The following CHCHD6 variants were observed in gnomAD, a reference collection of about 807,000 sequenced individuals.
The protein encoded by CHCHD6 is MICOS complex subunit MIC25.
A neutral mutation model predicts 32.3 loss-of-function variants in CHCHD6; 28 were observed. The ratio of observed to expected loss-of-function variants is 0.87; its 90% CI spans 0.64 to 1.19. CHCHD6 has a LOEUF of 1.19. CHCHD6 is among the 50% of genes most tolerant of loss of function. The probability of loss-of-function intolerance (pLI) is 0.00; values close to 1 mark genes in which losing one functional copy is unlikely to be tolerated. For synonymous variants in CHCHD6, 122 were observed against 117.5 expected (o/e 1.04, Z -0.25); for missense variants, 333 against 307.0 (o/e 1.08, Z -0.63).
At chr3:126,754,313 G>C (rs1936859583) in intron 4 of CHCHD6, among the ~76,000 whole-genome samples, 1 of 152,194 alleles carries the variant, frequency 6.6e-6, no homozygotes, top group East Asian at 1.9e-4. Flanking sequence ...AACATCTTCA[G>C]AGTGCCTAGC....
chr3:126,863,204 TCCC>T (rs1942024029), intron 5 of CHCHD6, among the ~76,000 whole-genome samples: 1 of 13,448 alleles, frequency 7.4e-5, no homozygotes, highest in African/African-American at 3.0e-4. Flanking sequence ...ATCACCACCT[TCCC>T]CTCTACCACC....
chr3:126,869,200 A>G (rs1253208241), intron 5 of CHCHD6, among the ~76,000 whole-genome samples: 6 of 151,144 alleles, frequency 4.0e-5, no homozygotes, highest in African/African-American at 1.5e-4. Flanking sequence ...CTCACAGTTT[A>G]TTATTTCATA....
chr3:126,801,516 C>T (rs989814618), intron 4 of CHCHD6, among the ~76,000 whole-genome samples: 1 of 152,196 alleles, frequency 6.6e-6, no homozygotes, highest in Non-Finnish European at 1.5e-5. Context: ...GGGAGGGGCA[C>T]CCGACATTGC....
At position 126,896,015 on chromosome 3, in the gene CHCHD6, C is replaced by T. The variant is rs141810828; in HGVS notation, c.496-18665C>T. Reference sequence around the variant, plus strand: ...AGCTCAGCAAGTCCCACCCCGGGGTCTCTGTGCCCCCAGGGTTGCCTATTC... The same window carrying T: ...AGCTCAGCAAGTCCCACCCCGGGGTTTCTGTGCCCCCAGGGTTGCCTATTC... On this transcript the variant is annotated intron_variant, in intron 5 of 7. Transcript: ENST00000290913. Among the ~76,000 whole-genome samples, 48 of 152,336 alleles carry T rather than the reference C, an allele frequency of 3.2e-4. No homozygotes were observed. The East Asian group carries it at 8.9e-3, about 28-fold the overall frequency.
chr3:126,864,428 TCCACCACCTTCACCATCATCACTGCCA>T (rs1942153919), intron 5 of CHCHD6, among the ~76,000 whole-genome samples: 1 of 136,464 alleles, frequency 7.3e-6, no homozygotes, highest in African/African-American at 2.8e-5. Flanking sequence ...CTGCTCCTCC[TCCACCACCTTCACCATCATCACTGCCA>T]CCACCACCTC....
chr3:126,714,609 C>A (rs1934921539), intron 1 of CHCHD6, among the ~76,000 whole-genome samples: 1 of 152,172 alleles, frequency 6.6e-6, no homozygotes, highest in Non-Finnish European at 1.5e-5. Flanking sequence ...CTCCTGGAAG[C>A]CTGTCCTTCT....
chr3:126,720,702 A>G (rs999205466), intron 1 of CHCHD6, among the ~76,000 whole-genome samples: 3 of 152,146 alleles, frequency 2.0e-5, no homozygotes, highest in Non-Finnish European at 4.4e-5. Context: ...AGTTCTCTGA[A>G]GTGTTCCCTC....
chr3:126,952,694 G>A (rs189463779), intron 6 of CHCHD6, among the ~76,000 whole-genome samples: 2 of 152,352 alleles, frequency 1.3e-5, no homozygotes, highest in East Asian at 3.9e-4. Context: ...AGGGGGTTTC[G>A]ATTTGAAAAG....
intron 4 of CHCHD6, among the ~76,000 whole-genome samples, chr3:126,786,954 T>A (rs1938244512): frequency 6.6e-6 from 1 of 152,210 alleles, no homozygotes; most frequent in Non-Finnish European, 1.5e-5. Flanking sequence ...TTTTATGGTT[T>A]TAGGTCTAAC....
At chr3:126,756,989 A>G (rs1275474339) in intron 4 of CHCHD6, among the ~76,000 whole-genome samples, 1 of 152,212 alleles carries the variant, frequency 6.6e-6, no homozygotes, top group Non-Finnish European at 1.5e-5. Context: ...AACTGGTGGT[A>G]TTACAGATTT....
At chr3:126,875,344 C>T (rs1006013101) in intron 5 of CHCHD6, among the ~76,000 whole-genome samples, 8 of 152,252 alleles carry the variant, frequency 5.3e-5, no homozygotes, top group South Asian at 4.1e-4. Context: ...AAAGGGCTGC[C>T]TGCCTTCTGA....
chr3:126,886,983 G>T (rs1371864378), intron 5 of CHCHD6, among the ~76,000 whole-genome samples: 1 of 152,166 alleles, frequency 6.6e-6, no homozygotes, highest in East Asian at 1.9e-4. Context: ...TTGCTCATTG[G>T]CTTTCTAGGC....
intron 5 of CHCHD6, among the ~76,000 whole-genome samples, chr3:126,857,950 C>G (rs1576503106): frequency 7.2e-6 from 1 of 138,224 alleles, no homozygotes; most frequent in African/African-American, 2.5e-5. Context: ...CTGCATGTGC[C>G]CCCAGGTTCA....
intron 5 of CHCHD6, among the ~76,000 whole-genome samples, chr3:126,878,120 A>G (rs768733896): frequency 6.6e-6 from 1 of 152,194 alleles, no homozygotes; most frequent in Non-Finnish European, 1.5e-5. Flanking sequence ...CAAAAATGGA[A>G]TGGAGGAAGA....
At position 126,957,532 on chromosome 3, in the gene CHCHD6, G is replaced by T; in HGVS notation, c.683G>T (p.Cys228Phe). The T allele has an allele frequency of 6.3e-7, 1 of 1,575,380 alleles. No homozygotes were observed. The highest frequency in any genetic ancestry group is 8.6e-7 in the Non-Finnish European group (1 of 1,160,644). Reference protein sequence around the residue: ...CSDLVKAYQRCVSAAHKG With the variant: ...CSDLVKAYQRFVSAAHKG ...GACCTGGTCAAGGCATACCAGCGCTGCGTGAGCGCCGCCCACAAGGTAAGG... is the reference window on the plus strand; with the variant it reads ...GACCTGGTCAAGGCATACCAGCGCTTCGTGAGCGCCGCCCACAAGGTAAGG... Residue 228 changes from cysteine (C) to phenylalanine (F), a missense_variant, in exon 7 of 8, where the codon TGC becomes TTC. Transcript: ENST00000290913.
intron 4 of CHCHD6, among the ~76,000 whole-genome samples, chr3:126,741,245 G>A (rs183583243): frequency 2.2e-4 from 34 of 152,290 alleles, no homozygotes; most frequent in Admixed American, 6.5e-4. Context: ...GGTGCTGTGC[G>A]CCGTTGGGAA....
At chr3:126,885,342 T>G (rs180832399) in intron 5 of CHCHD6, among the ~76,000 whole-genome samples, 11 of 152,324 alleles carry the variant, frequency 7.2e-5, no homozygotes, top group Admixed American at 3.3e-4. Context: ...GATTATTTTT[T>G]TTCTCCTTCC....
At chr3:126,888,176 C>T (rs1046682187) in intron 5 of CHCHD6, among the ~76,000 whole-genome samples, 4 of 152,146 alleles carry the variant, frequency 2.6e-5, no homozygotes, top group African/African-American at 9.7e-5. Context: ...CACACAAGGA[C>T]AGCAGAGCAG....
intron 4 of CHCHD6, among the ~76,000 whole-genome samples, chr3:126,807,028 T>C (rs1481295457): frequency 8.7e-6 from 1 of 115,152 alleles, no homozygotes; most frequent in Non-Finnish European, 1.6e-5. Context: ...AAGGGGAACA[T>C]CACACTCTGG....
Sources: allele counts gnomAD v4.1 joint callset (sites outside exome capture counted in the v4.1 genomes callset), GRCh38; gene constraint gnomAD v4.1.1; transcripts MANE v1.5; gene names NCBI Gene and HGNC (gene_info 2026-07-23, HGNC 2026-07-21).